Variants in TMTC2 observed in about 807,000 individuals in gnomAD.
TMTC2 encodes the protein transmembrane O-mannosyltransferase targeting cadherins 2.
In TMTC2, 43 loss-of-function variants were observed where a neutral mutation model predicts 82.4. The observed-to-expected ratio is 0.52, with a 90% confidence interval of 0.41 to 0.67. The LOEUF is 0.67. Among genes scored for constraint, TMTC2 ranks in the 30% least tolerant of loss-of-function variants. TMTC2 has a pLI of 0.00. For synonymous variants in TMTC2, 408 were observed against 381.9 expected (o/e 1.07, Z -0.80); for missense variants, 919 against 1,012.4 (o/e 0.91, Z 1.25).
At chr12:82,697,334 C>CAAAAAAA (rs367770708) in intron 1 of TMTC2, among the ~76,000 whole-genome samples, 8 of 61,690 alleles carry the variant, frequency 1.3e-4, no homozygotes, top group Non-Finnish European at 2.6e-4. Flanking sequence ...CAGCCTGTCT[C>CAAAAAAA]AAAAAAAAAA....
chr12:82,965,065 T>C lies in TMTC2; in HGVS notation c.1640T>C (p.Leu547Pro), dbSNP rs934490842. 3 of 1,612,530 alleles carry C rather than the reference T, an allele frequency of 1.9e-6. No homozygotes were observed. The highest frequency in any genetic ancestry group is 2.5e-6 in the Non-Finnish European group (3 of 1,179,064). The change falls in exon 5 of 12, where the codon CTA (leucine) becomes CCA (proline). Residue 547 changes from leucine to proline, a missense_variant. Physicochemically the swap from Leu to Pro is moderately conservative, Grantham distance 98. Transcript: ENST00000321196. Reference protein sequence around the residue: ...LQENSRFAEALHYYKLAIGSR... With the variant: ...LQENSRFAEAPHYYKLAIGSR... ...GAGAACAGCAGGTTTGCAGAAGCACTACATTATTATAAATTGGCCATTGGG... is the reference window on the plus strand; with the variant it reads ...GAGAACAGCAGGTTTGCAGAAGCACCACATTATTATAAATTGGCCATTGGG...
chr12:82,969,456 T>C (rs1265290141), intron 7 of TMTC2, among the ~76,000 whole-genome samples: 1 of 152,128 alleles, frequency 6.6e-6, no homozygotes, highest in African/African-American at 2.4e-5. Context: ...TAAAGGAGTG[T>C]GCGTGAAAAA....
intron 3 of TMTC2, among the ~76,000 whole-genome samples, chr12:82,920,357 G>A (rs1355945941): frequency 1.3e-5 from 2 of 152,116 alleles, no homozygotes; most frequent in African/African-American, 4.8e-5. Flanking sequence ...AAAAAATTTA[G>A]AGGTATTTAT....
At chr12:83,007,146 T>C (rs945968943) in intron 8 of TMTC2, among the ~76,000 whole-genome samples, 1 of 152,010 alleles carries the variant, frequency 6.6e-6, no homozygotes, top group African/African-American at 2.4e-5. Context: ...GAACTCTCAG[T>C]GTTGTTGTTA....
chr12:83,087,540 A>G (rs566856541), intron 11 of TMTC2, among the ~76,000 whole-genome samples: 47 of 152,358 alleles, frequency 3.1e-4, no homozygotes, highest in Non-Finnish European at 4.6e-4. Context: ...TTCTTAAGTA[A>G]TAACACTTGA....
intron 1 of TMTC2, among the ~76,000 whole-genome samples, chr12:82,757,843 C>T (rs1202486663): frequency 6.6e-6 from 1 of 152,132 alleles, no homozygotes; most frequent in Non-Finnish European, 1.5e-5. Context: ...TCTGCATTAA[C>T]ATATAAACCC....
chr12:82,958,835 G>A (rs1325232277), intron 4 of TMTC2, among the ~76,000 whole-genome samples: 1 of 152,004 alleles, frequency 6.6e-6, no homozygotes, highest in Non-Finnish European at 1.5e-5. Flanking sequence ...AGCCAGACCA[G>A]TTAGGCAAGA....
At chr12:83,017,917 G>C (rs1880746109) in intron 8 of TMTC2, among the ~76,000 whole-genome samples, 1 of 142,306 alleles carries the variant, frequency 7.0e-6, no homozygotes. Context: ...TAAATCCAAT[G>C]CTGTCTTCAG....
chr12:83,037,280 G>A (rs971780579), intron 9 of TMTC2, among the ~76,000 whole-genome samples: 6 of 152,160 alleles, frequency 3.9e-5, no homozygotes, highest in Admixed American at 3.9e-4. Context: ...TGAGTGGCCT[G>A]TATTATTTTT....
intron 3 of TMTC2, among the ~76,000 whole-genome samples, chr12:82,899,636 AATATAT>A (rs531889616): frequency 1.1e-4 from 15 of 131,354 alleles, no homozygotes; most frequent in African/African-American, 5.2e-4. Context: ...ATATATGTGG[AATATAT>A]ATATATAAGA....
intron 2 of TMTC2, among the ~76,000 whole-genome samples, chr12:82,876,100 G>GTGGTGGTGGTGGTGGTATTAGTAA (rs1565788876): frequency 1.3e-4 from 18 of 136,814 alleles, no homozygotes; most frequent in African/African-American, 4.6e-4. Flanking sequence ...ATTCATAATG[G>GTGGTGGTGGTGGTGGTATTAGTAA]TGGTGGTGGT....
At chr12:82,964,074 T>G (rs958207294) in intron 4 of TMTC2, among the ~76,000 whole-genome samples, 1 of 151,622 alleles carries the variant, frequency 6.6e-6, no homozygotes, top group South Asian at 2.1e-4. Context: ...TTACCAGCCT[T>G]TCACAGACCT....
intron 11 of TMTC2, among the ~76,000 whole-genome samples, chr12:83,096,056 A>G (rs1884017784): frequency 6.6e-6 from 1 of 152,238 alleles, no homozygotes; most frequent in Non-Finnish European, 1.5e-5. Flanking sequence ...GATTACTTGA[A>G]TTCAATTCAC....
intron 1 of TMTC2, among the ~76,000 whole-genome samples, chr12:82,695,742 G>A (rs1316775162): frequency 6.6e-6 from 1 of 152,164 alleles, no homozygotes; most frequent in Non-Finnish European, 1.5e-5. Flanking sequence ...GGGTGCTTTA[G>A]GTGGTGGCTA....
intron 11 of TMTC2, among the ~76,000 whole-genome samples, chr12:83,093,371 A>G (rs966856473): frequency 6.6e-6 from 1 of 152,156 alleles, no homozygotes; most frequent in African/African-American, 2.4e-5. Context: ...GTAAAACACA[A>G]CCCTCCAGAT....
intron 11 of TMTC2, among the ~76,000 whole-genome samples, chr12:83,107,828 T>A (rs566567730): frequency 6.6e-6 from 1 of 152,144 alleles, no homozygotes; most frequent in East Asian, 1.9e-4. Flanking sequence ...AATTTTGAAG[T>A]TTAGTCTTTG....
Position 82,895,306 on chromosome 12 carries a change from C to T in TMTC2, c.655-512C>T, listed in dbSNP as rs17010103. Among the ~76,000 whole-genome samples, 1,313 of 152,184 alleles carry T rather than the reference C, an allele frequency of 8.6e-3. 17 individuals are homozygous for T. Among genetic ancestry groups the T allele is most frequent in the African/African-American group, 0.029 (1,214 of 41,520 alleles). On this transcript the variant is annotated intron_variant, in intron 2 of 11. Coordinates refer to ENST00000321196, the MANE Select transcript of TMTC2 (RefSeq NM_152588.3). ...ATGGGGACTGGCTTAGACATAGCTG[C>T]GTGCCTTTACTCCATTAGAGACAAG... is the stretch of plus-strand genomic sequence containing the variant.
intron 1 of TMTC2, among the ~76,000 whole-genome samples, chr12:82,761,842 G>A (rs1876651199): frequency 6.6e-6 from 1 of 150,866 alleles, no homozygotes; most frequent in Non-Finnish European, 1.5e-5. Context: ...TTGCTACTCT[G>A]GAAAATATTC....
chr12:83,070,060 C>G (rs1300868855), intron 11 of TMTC2, among the ~76,000 whole-genome samples: 1 of 152,066 alleles, frequency 6.6e-6, no homozygotes, highest in Non-Finnish European at 1.5e-5. Flanking sequence ...ATCTTTATAC[C>G]AGTACCAGGC....
Sources: gnomAD v4.1 joint callset for allele counts (sites outside exome capture counted in the v4.1 genomes callset) on GRCh38, gnomAD v4.1.1 for gene constraint, MANE v1.5 for transcripts, NCBI Gene and HGNC (gene_info 2026-07-23, HGNC 2026-07-21) for gene names.